Variants in PLCZ1 observed in about 807,000 individuals in gnomAD.
PLCZ1 encodes the protein 1-phosphatidylinositol 4,5-bisphosphate phosphodiesterase zeta-1.
Under a neutral mutation model 76.8 loss-of-function variants are expected in PLCZ1, and 64 were observed. The observed-to-expected ratio is 0.83, with a 90% CI of 0.68 to 1.03. PLCZ1 has a LOEUF of 1.03. Among genes scored for constraint, PLCZ1 ranks in the 50% least tolerant of loss-of-function variants. The pLI is 0.00. For missense variants in PLCZ1, 751 were observed against 713.7 expected (o/e 1.05, Z -0.60); for synonymous variants, 248 against 230.8 (o/e 1.07, Z -0.68).
intron 3 of PLCZ1, among the ~76,000 whole-genome samples, chr12:18,726,613 A>G (rs1958764300): frequency 6.6e-6 from 1 of 152,158 alleles, no homozygotes; most frequent in African/African-American, 2.4e-5. Context: ...CACTTTCAGA[A>G]ACAGAATGAA....
chr12:18,683,270 G>A lies in PLCZ1; in HGVS notation c.1796C>T (p.Ser599Leu). The change falls in exon 15 of 15, where the codon TCA becomes TTA. Residue 599 changes from serine to leucine, a missense_variant. Coordinates refer to ENST00000266505, the MANE Select transcript of PLCZ1 (RefSeq NM_033123.4). ...SRMGESLEPA[S>L]LFVYVWYVR ...GACGTACCAAACATAAACAAACAGTGAAGCAGGCTCAAGGCTCTCACCCAT... is the reference window on the plus strand; with the variant it reads ...GACGTACCAAACATAAACAAACAGTAAAGCAGGCTCAAGGCTCTCACCCAT... The A allele has an allele frequency of 6.2e-7, 1 of 1,612,562 alleles. No homozygotes were observed. The highest frequency in any genetic ancestry group is 2.2e-5 in the East Asian group (1 of 44,810).
At chr12:18,706,929 C>A (rs559608842) in intron 6 of PLCZ1, among the ~76,000 whole-genome samples, 30 of 152,316 alleles carry the variant, frequency 2.0e-4, no homozygotes, top group Middle Eastern at 6.8e-3. Context: ...TAAGGCTGCA[C>A]TCCCTTGGAA....
chr12:18,666,160 GA>G, the PLCZ1 span, among the ~76,000 whole-genome samples: 9 of 151,156 alleles, frequency 6.0e-5, no homozygotes, highest in African/African-American at 9.7e-5. Flanking sequence ...TAACACAAAA[GA>G]AAAAAATTAT....
the PLCZ1 span, among the ~76,000 whole-genome samples, chr12:18,666,351 T>C: frequency 6.6e-6 from 1 of 152,050 alleles, no homozygotes; most frequent in African/African-American, 2.4e-5. Flanking sequence ...TACAAGACAC[T>C]CCTTAGATTT....
intron 12 of PLCZ1, among the ~76,000 whole-genome samples, chr12:18,694,664 T>C (rs11044253): frequency 0.31 from 47,190 of 151,964 alleles, 8,188 homozygotes; most frequent in East Asian, 0.5. Context: ...AGTAGAACTT[T>C]GAGAGGAGAA....
downstream of PLCZ1, among the ~76,000 whole-genome samples, chr12:18,680,123 TGAG>T (rs1304360188): frequency 1.3e-5 from 2 of 152,032 alleles, no homozygotes; most frequent in South Asian, 2.1e-4. Context: ...TTTGCAGTAC[TGAG>T]AAGAAAGGGA....
the PLCZ1 span, among the ~76,000 whole-genome samples, chr12:18,670,108 G>T: frequency 2.6e-5 from 4 of 152,034 alleles, no homozygotes; most frequent in Admixed American, 2.0e-4. Context: ...ATGAATTTGG[G>T]AATGTTTGGA....
chr12:18,669,955 A>T, the PLCZ1 span, among the ~76,000 whole-genome samples: 1 of 152,094 alleles, frequency 6.6e-6, no homozygotes, highest in Non-Finnish European at 1.5e-5. Flanking sequence ...GGTGTGAGCC[A>T]CCGCGCCCGG....
At chr12:18,677,471 G>A in the PLCZ1 span, among the ~76,000 whole-genome samples, 7 of 152,032 alleles carry the variant, frequency 4.6e-5, no homozygotes, top group Admixed American at 1.3e-4. Flanking sequence ...CAGACTGCTT[G>A]GCCAGACCTT....
At chr12:18,647,848 A>G in the PLCZ1 span, 2 of 1,393,470 alleles carry the variant, frequency 1.4e-6, no homozygotes, top group Non-Finnish European at 1.9e-6. Flanking sequence ...TTTCTGATTT[A>G]TATTTTCATT....
At chr12:18,722,825 A>T (rs1176668619) in intron 4 of PLCZ1, among the ~76,000 whole-genome samples, 1 of 152,100 alleles carries the variant, frequency 6.6e-6, no homozygotes, top group Non-Finnish European at 1.5e-5. Context: ...AGATAATTAT[A>T]TTTATAAACA....
chr12:18,700,130 TTAAGA>T (rs768629946), intron 9 of PLCZ1, among the ~76,000 whole-genome samples, 180 bp from the exon 10 acceptor site: 9 of 152,134 alleles, frequency 5.9e-5, no homozygotes, highest in Non-Finnish European at 1.2e-4. Flanking sequence ...ATATTTAATG[TTAAGA>T]TAAGCTAGCT....
At chr12:18,696,715 C>T (rs1027437313) in intron 10 of PLCZ1, among the ~76,000 whole-genome samples, 1 of 151,946 alleles carries the variant, frequency 6.6e-6, no homozygotes, top group Non-Finnish European at 1.5e-5. Flanking sequence ...CTATACGATT[C>T]CAGCTAAATT....
At chr12:18,695,663 T>C (rs1484378883) in intron 11 of PLCZ1, among the ~76,000 whole-genome samples, 1 of 152,072 alleles carries the variant, frequency 6.6e-6, no homozygotes. Flanking sequence ...CCTGGTACTT[T>C]CTGATGGGTT....
the PLCZ1 span, among the ~76,000 whole-genome samples, chr12:18,646,559 A>T: frequency 6.6e-6 from 1 of 152,180 alleles, no homozygotes; most frequent in Admixed American, 6.6e-5. Flanking sequence ...AAGTACTGGA[A>T]GCTAAATCCA....
the PLCZ1 span, among the ~76,000 whole-genome samples, chr12:18,671,648 TA>T: frequency 4.4e-3 from 665 of 151,514 alleles, 4 homozygotes; most frequent in Non-Finnish European, 7.6e-3. Context: ...ATATTGGATA[TA>T]AAAAAAAATT....
intron 2 of PLCZ1, 59 bp downstream of exon 2, chr12:18,737,302 G>T: frequency 6.4e-7 from 1 of 1,552,992 alleles, no homozygotes; most frequent in Non-Finnish European, 8.9e-7. Flanking sequence ...ACAGCATCAA[G>T]TAAAGAGGAT....
At chr12:18,654,798 T>TG in the PLCZ1 span, among the ~76,000 whole-genome samples, 1 of 152,226 alleles carries the variant, frequency 6.6e-6, no homozygotes, top group East Asian at 1.9e-4. Context: ...AAGGGATAAG[T>TG]GACAAACATC....
chr12:18,697,941 A>G (rs1955312300), intron 10 of PLCZ1, among the ~76,000 whole-genome samples: 2 of 152,072 alleles, frequency 1.3e-5, no homozygotes, highest in Non-Finnish European at 2.9e-5. Context: ...TGGTAATGTT[A>G]TACTTTGACT....
Sources: gnomAD v4.1 joint callset for allele counts (sites outside exome capture counted in the v4.1 genomes callset) on GRCh38, gnomAD v4.1.1 for gene constraint, MANE v1.5 for transcripts, NCBI Gene and HGNC (gene_info 2026-07-23, HGNC 2026-07-21) for gene names.